The following SHROOM2 variants were observed in gnomAD, a reference collection of about 807,000 sequenced individuals.
The protein encoded by SHROOM2 is shroom family member 2.
Under a neutral mutation model 75.9 loss-of-function variants are expected in SHROOM2, and 33 were observed. The observed-to-expected ratio is 0.43, with a 90% CI of 0.33 to 0.58. The LOEUF (loss-of-function observed/expected upper bound fraction) is 0.58. SHROOM2 is among the 20% of genes least tolerant of loss of function. The probability of loss-of-function intolerance (pLI) is 0.04; values close to 1 mark genes in which losing one functional copy is unlikely to be tolerated. For synonymous variants in SHROOM2, 655 were observed against 663.6 expected, an observed-to-expected ratio of 0.99 and a Z score of 0.20; for missense variants, 1,434 against 1,461.2, an observed-to-expected ratio of 0.98 and a Z score of 0.30.
At chrX:9,905,563 G>A (rs1274904450) in intron 5 of SHROOM2, among the ~76,000 whole-genome samples, 3 of 113,313 alleles carry the variant, frequency 2.6e-5, no homozygotes, top group East Asian at 2.8e-4. Context: ...ACGCGTGGGC[G>A]GTGACGGCGC....
intron 2 of SHROOM2, among the ~76,000 whole-genome samples, chrX:9,890,578 T>C (rs1437668631): frequency 8.8e-6 from 1 of 113,245 alleles, no homozygotes; most frequent in Admixed American, 9.2e-5. Context: ...GCGTGCGCGC[T>C]GTGCGCATTC....
At chrX:9,836,266 T>G (rs1308096457) in intron 1 of SHROOM2, among the ~76,000 whole-genome samples, 2 of 111,819 alleles carry the variant, frequency 1.8e-5, no homozygotes, top group African/African-American at 6.5e-5. Context: ...TCAGCCTCAG[T>G]TTTCTCTCTA....
At chrX:9,799,321 G>A (rs777737863) in intron 1 of SHROOM2, among the ~76,000 whole-genome samples, 11 of 108,140 alleles carry the variant, frequency 1.0e-4, no homozygotes, top group Admixed American at 7.0e-4. Flanking sequence ...GTGCGCCACC[G>A]CGCCCGGCTA....
chrX:9,816,580 CCTGCTGCTG>C (rs112480338), intron 1 of SHROOM2, among the ~76,000 whole-genome samples: 7,853 of 102,458 alleles, frequency 0.077, 715 homozygotes, highest in African/African-American at 0.26. Context: ...AGCCTTACCC[CCTGCTGCTG>C]CTGCTGCTGC....
chrX:9,892,268 A>AAG (rs1454733504), intron 3 of SHROOM2, among the ~76,000 whole-genome samples: 2 of 108,385 alleles, frequency 1.8e-5, no homozygotes, highest in African/African-American at 6.7e-5. Context: ...AAAAAAAAAA[A>AAG]AAGAAAAGAA....
intron 1 of SHROOM2, among the ~76,000 whole-genome samples, chrX:9,841,104 C>T (rs1401730591): frequency 1.8e-5 from 2 of 111,342 alleles, no homozygotes; most frequent in East Asian, 2.8e-4. Context: ...TACAGGCATC[C>T]GTCACCACGC....
At chrX:9,913,419 G>C (rs1049619491) in intron 5 of SHROOM2, among the ~76,000 whole-genome samples, 2 of 112,385 alleles carry the variant, frequency 1.8e-5, no homozygotes, top group African/African-American at 6.5e-5. Flanking sequence ...GTGTGATTGT[G>C]ACAGTTTAAG....
At chrX:9,862,001 C>T (rs745999058) in intron 1 of SHROOM2, among the ~76,000 whole-genome samples, 1 of 111,647 alleles carries the variant, frequency 9.0e-6, no homozygotes, top group East Asian at 2.8e-4. Context: ...TCATAGGAAG[C>T]GGGATTTCGT....
chrX:9,883,955 C>T (rs193212212), intron 2 of SHROOM2, among the ~76,000 whole-genome samples: 40 of 111,540 alleles, frequency 3.6e-4, no homozygotes, highest in African/African-American at 1.3e-3. Flanking sequence ...CATCCTGGAC[C>T]GGTATCTGCA....
rs1266194965 is a variant in SHROOM2, at chrX:9,948,981, G to A, written c.*2044G>A. On this transcript the variant is annotated 3_prime_UTR_variant, in exon 10 of 10. Coordinates refer to ENST00000380913, the MANE Select transcript of SHROOM2 (RefSeq NM_001649.4). ...TTGTGGTCATTTTGATGATATGTGT[G>A]TAAAATGTGAATAATCCAATTGGTG... 3 of 145,545 alleles carry A rather than the reference G, an allele frequency of 2.1e-5. No homozygotes were observed. Among genetic ancestry groups the A allele is most frequent in the Non-Finnish European group, 4.1e-5 (3 of 72,766 alleles). The allele number at this position is 145,545 out of a possible 1,213,427, so 12.0% of individuals were successfully genotyped here. A position where few individuals can be genotyped will look rare whatever the true frequency, so the allele number is the denominator to read the frequency against.
chrX:9,856,750 G>C (rs1207920686), intron 1 of SHROOM2, among the ~76,000 whole-genome samples: 2 of 111,874 alleles, frequency 1.8e-5, no homozygotes, highest in African/African-American at 6.5e-5. Flanking sequence ...TTGCATGGTA[G>C]CTGCTGCATC....
At chrX:9,869,866 T>C (rs1202206782) in intron 1 of SHROOM2, among the ~76,000 whole-genome samples, 3 of 112,282 alleles carry the variant, frequency 2.7e-5, no homozygotes, top group Non-Finnish European at 3.7e-5. Context: ...TTTTTTGTTT[T>C]AATTTTTGTG....
Position 9,819,197 on chromosome X carries a change from C to T in SHROOM2, c.165+32487C>T, listed in dbSNP as rs1307357509. 3 of 1,086,518 alleles carry T rather than the reference C, an allele frequency of 2.8e-6. No individual in the cohort carries two copies. In the African/African-American group the frequency reaches 5.6e-5, roughly 20 times the overall value. 89.5% of individuals were successfully genotyped at this position (1,086,518 alleles called of 1,213,427 possible). On this transcript the variant is annotated intron_variant, in intron 1 of 9. Transcript: ENST00000380913. ...TGACATGCATATCTGTTTCAGGATT[C>T]TCACATTCAGGACAGAGAACAAATT...
chrX:9,809,918 C>A (rs752392602), intron 1 of SHROOM2, among the ~76,000 whole-genome samples: 80 of 112,530 alleles, frequency 7.1e-4, no homozygotes, highest in Middle Eastern at 4.6e-3. Context: ...TCAAGTGATC[C>A]ACCTGCCTTG....
intron 1 of SHROOM2, among the ~76,000 whole-genome samples, chrX:9,798,794 T>C (rs1445365751): frequency 8.9e-6 from 1 of 112,678 alleles, no homozygotes; most frequent in Non-Finnish European, 1.9e-5. Flanking sequence ...CAAACAACTA[T>C]GCTTTTTTGT....
intron 2 of SHROOM2, among the ~76,000 whole-genome samples, chrX:9,888,416 C>G (rs1456908873): frequency 2.4e-4 from 27 of 111,722 alleles, no homozygotes; most frequent in Non-Finnish European, 3.6e-4. Flanking sequence ...TGGCATGGCA[C>G]GGTCACTGGA....
chrX:9,902,049 GATGGATGGATGC>G (rs749606152), intron 5 of SHROOM2, among the ~76,000 whole-genome samples: 1 of 110,847 alleles, frequency 9.0e-6, no homozygotes, highest in Non-Finnish European at 1.9e-5. Context: ...TGGATAGATG[GATGGATGGATGC>G]ATGGATGGAT....
intron 1 of SHROOM2, among the ~76,000 whole-genome samples, chrX:9,828,360 C>T (rs1026690972): frequency 3.6e-5 from 4 of 112,139 alleles, no homozygotes; most frequent in Non-Finnish European, 7.5e-5. Flanking sequence ...AGGGCCTTCT[C>T]GAAGGATGCT....
intron 3 of SHROOM2, among the ~76,000 whole-genome samples, chrX:9,891,469 C>T (rs948689643): frequency 8.9e-6 from 1 of 112,138 alleles, no homozygotes; most frequent in African/African-American, 3.2e-5. Context: ...TATGGGGTGG[C>T]AGGTATATCT....
Sources: gnomAD v4.1 joint callset for allele counts (sites outside exome capture counted in the v4.1 genomes callset) on GRCh38, gnomAD v4.1.1 for gene constraint, MANE v1.5 for transcripts, NCBI Gene and HGNC (gene_info 2026-07-23, HGNC 2026-07-21) for gene names.